The following HIPK1 variants were observed in gnomAD, a reference collection of about 807,000 sequenced individuals.
The protein encoded by HIPK1 is homeodomain interacting protein kinase 1, also known as homeodomain-interacting protein kinase 1.
Under a neutral mutation model 117.1 loss-of-function variants are expected in HIPK1, and 28 were observed. The observed-to-expected ratio is 0.24, with a 90% CI of 0.18 to 0.33. The LOEUF (loss-of-function observed/expected upper bound fraction) is 0.33, where lower values mean the gene tolerates loss of function less well. HIPK1 is among the 10% of genes least tolerant of loss of function. The pLI, the probability that HIPK1 is intolerant of heterozygous loss-of-function variation, is 1.00. For synonymous variants in HIPK1, 605 were observed against 562.5 expected (o/e 1.08, Z -1.07); for missense variants, 1,122 against 1,475.1 (o/e 0.76, Z 3.92).
chr1:113,956,569 T>G, intron 5 of HIPK1, 58 bp from the exon 6 acceptor site: 3 of 1,235,596 alleles, frequency 2.4e-6, no homozygotes, highest in Non-Finnish European at 3.5e-6. Flanking sequence ...AAAGCAGCTA[T>G]GTAGTGTCAG....
chr1:113,946,439 A>G (rs568399672), intron 2 of HIPK1, among the ~76,000 whole-genome samples: 1 of 152,358 alleles, frequency 6.6e-6, no homozygotes, highest in East Asian at 1.9e-4. Context: ...AGGGAGAGCA[A>G]TAGGAGATAA....
chr1:113,940,920 G>C lies in HIPK1; in HGVS notation c.537G>C (p.Gln179His). The C allele has an allele frequency of 6.2e-7, 1 of 1,614,170 alleles. No homozygotes were observed. Among genetic ancestry groups the C allele is most frequent in the Non-Finnish European group, 8.5e-7 (1 of 1,180,044 alleles). Residue 179 changes from glutamine to histidine, a missense_variant, in exon 2 of 16, where the codon CAG (glutamine) becomes CAC (histidine). This residue lies in a region of HIPK1 where 192 missense variants were observed against 234.0 expected (regional missense o/e 0.82). Coordinates refer to ENST00000426820, the MANE Select transcript of HIPK1 (RefSeq NM_198268.3). The stretch of plus-strand genomic sequence containing the variant: ...GAGAAGGGGATTACCAGCTGGTCCA[G>C]CATGAGATCCTTTGCTCTATGACCA... ...SSGEGDYQLVQHEILCSMTNS... is the reference protein window; with the variant it reads ...SSGEGDYQLVHHEILCSMTNS...
chr1:113,957,328 TA>T lies in HIPK1; in HGVS notation c.1755+43del, dbSNP rs548153507. The T allele has an allele frequency of 6.6e-5, 100 of 1,505,814 alleles. No homozygotes were observed. The African/African-American group carries it at 1.3e-3, about 19-fold the overall frequency. The allele number at this position is 1,505,814 out of a possible 1,614,324, so 93.3% of individuals were successfully genotyped here. On this transcript the variant is annotated intron_variant, in intron 7 of 15. Transcript: ENST00000426820. ...TTTGGAAACTCAAGCTTAAGTGGGA[TA>T]GAAACTAGTAAGAATACAGGGCAAG...
rs569910781 is a variant in HIPK1 at position 113,973,644 on chromosome 1, C to G, written c.*132C>G. ...CAGCAACTTGTTCTGCAGGGGCCCA[C>G]TGAAGCAGAAGGTTTTTCTCTGGGG... is the stretch of plus-strand genomic sequence containing the variant. On this transcript the variant is annotated 3_prime_UTR_variant, in exon 16 of 16. Transcript: ENST00000426820. 2.6e-5 allele frequency: 28 copies of G among 1,063,028 alleles called. No individual in the cohort carries two copies. The South Asian group carries it at 5.0e-4, about 19-fold the overall frequency. The allele number at this position is 1,063,028 out of a possible 1,614,324, so 65.8% of individuals were successfully genotyped here.
chr1:113,933,213 G>A (rs1558122094), intron 1 of HIPK1: 31 of 984,502 alleles, frequency 3.1e-5, no homozygotes, highest in Non-Finnish European at 3.6e-5. Context: ...GAAGAAGTGA[G>A]CTTTAAGCAG....
At chr1:113,960,931 C>T (rs574395123) in intron 8 of HIPK1, among the ~76,000 whole-genome samples, 1 of 152,248 alleles carries the variant, frequency 6.6e-6, no homozygotes, top group South Asian at 2.1e-4. Flanking sequence ...GAGTTATGCT[C>T]ATTTGATACC....
At chr1:113,961,942 C>CAAAAAA (rs957986733) in intron 8 of HIPK1, among the ~76,000 whole-genome samples, 4 of 32,308 alleles carry the variant, frequency 1.2e-4, no homozygotes, top group Non-Finnish European at 2.6e-4. Context: ...GACTCCATCT[C>CAAAAAA]AAAAAAAAAA....
chr1:113,962,619 C>T (rs1672202854), intron 9 of HIPK1, among the ~76,000 whole-genome samples, 181 bp downstream of exon 9: 1 of 152,194 alleles, frequency 6.6e-6, no homozygotes, highest in Non-Finnish European at 1.5e-5. Context: ...TGCAACTCTG[C>T]CATTGTCTTC....
At chr1:113,934,827 T>C (rs1670146841) in intron 1 of HIPK1, among the ~76,000 whole-genome samples, 2 of 146,318 alleles carry the variant, frequency 1.4e-5, no homozygotes, top group Non-Finnish European at 3.0e-5. Context: ...AACTGTGGCA[T>C]GTGCCTGTAG....
chr1:113,931,916 C>T (rs556429419), intron 1 of HIPK1, among the ~76,000 whole-genome samples: 2 of 152,162 alleles, frequency 1.3e-5, no homozygotes, highest in Admixed American at 6.5e-5. Flanking sequence ...TTTTTTAGGT[C>T]TTTTTAAAAA....
intron 4 of HIPK1, among the ~76,000 whole-genome samples, chr1:113,955,358 A>G (rs1671645749): frequency 6.6e-6 from 1 of 152,182 alleles, no homozygotes. Flanking sequence ...CATTACTTGC[A>G]TGTTTATCAC....
intron 1 of HIPK1, 147 bp from the exon 2 acceptor site, chr1:113,940,235 G>A: frequency 1.3e-6 from 1 of 759,660 alleles, no homozygotes; most frequent in South Asian, 1.9e-5. Context: ...TATAGGTCAA[G>A]ATTGAATTAG....
rs1673214272 is a variant in HIPK1, at chr1:113,977,724, A to T, written c.*4212A>T. 6.6e-6 allele frequency: 1 copy of T among 152,654 alleles called. No individual in the cohort carries two copies. The highest frequency in any genetic ancestry group is 2.1e-4 in the South Asian group (1 of 4,832). 9.5% of individuals were successfully genotyped at this position (152,654 alleles called of 1,614,324 possible). A position where few individuals can be genotyped will look rare whatever the true frequency, so the allele number is the denominator to read the frequency against. ...TCTTTGGTTTTACAAAGTAGCTTGT[A>T]TTTTCAGTATTTTCTACATAATATG... On this transcript the variant is annotated 3_prime_UTR_variant, in exon 16 of 16. Transcript: ENST00000426820.
chr1:113,930,623 T>A (rs935344219), intron 1 of HIPK1: 6 of 152,400 alleles, frequency 3.9e-5, no homozygotes, highest in African/African-American at 1.4e-4. Flanking sequence ...ACCAAAATTC[T>A]GGTAAGGCCC....
At chr1:113,951,367 A>G in intron 2 of HIPK1, 1 of 756,806 alleles carries the variant, frequency 1.3e-6, no homozygotes, top group Non-Finnish European at 1.6e-6. Flanking sequence ...GCAGGGATTC[A>G]AATCCTAGCT....
At chr1:113,942,888 T>G (rs1271515272) in intron 2 of HIPK1, among the ~76,000 whole-genome samples, 2 of 152,018 alleles carry the variant, frequency 1.3e-5, no homozygotes, top group Non-Finnish European at 1.5e-5. Flanking sequence ...AATCAAGAAG[T>G]GAAATAATAA....
chr1:113,948,759 T>C (rs1432609239), intron 2 of HIPK1, among the ~76,000 whole-genome samples: 1 of 152,036 alleles, frequency 6.6e-6, no homozygotes, highest in Non-Finnish European at 1.5e-5. Context: ...TAAATGGGAC[T>C]TGGGGGCTGT....
At chr1:113,947,790 AGAG>A (rs933079332) in intron 2 of HIPK1, among the ~76,000 whole-genome samples, 1 of 152,230 alleles carries the variant, frequency 6.6e-6, no homozygotes, top group African/African-American at 2.4e-5. Flanking sequence ...GTGTCTTCAA[AGAG>A]GAGACTTGCC....
chr1:113,932,591 C>T (rs543837260), intron 1 of HIPK1, among the ~76,000 whole-genome samples: 2 of 152,042 alleles, frequency 1.3e-5, no homozygotes, highest in South Asian at 4.2e-4. Context: ...GTTGGCCAGG[C>T]TGGTCTCAGA....
Sources: allele counts gnomAD v4.1 joint callset (sites outside exome capture counted in the v4.1 genomes callset), GRCh38; gene constraint gnomAD v4.1.1; regional missense constraint gnomAD v4.1.1; transcripts MANE v1.5; gene names NCBI Gene and HGNC (gene_info 2026-07-23, HGNC 2026-07-21).